The following SORCS1 variants were observed in gnomAD, a reference collection of about 807,000 sequenced individuals.
SORCS1 encodes the protein sortilin related VPS10 domain containing receptor 1.
SORCS1 carries 60 observed loss-of-function variants against 146.1 expected under a neutral mutation model. The ratio of observed to expected loss-of-function variants is 0.41; its 90% confidence interval spans 0.33 to 0.51. The LOEUF is 0.51. Among genes scored for constraint, SORCS1 ranks in the 20% least tolerant of loss-of-function variants. The probability of loss-of-function intolerance (pLI) is 0.21; values close to 1 mark genes in which losing one functional copy is unlikely to be tolerated. For missense variants in SORCS1, 1,352 were observed against 1,487.6 expected (o/e 0.91, Z 1.50); for synonymous variants, 637 against 584.0 (o/e 1.09, Z -1.31).
chr10:106,885,619 T>G (rs1271552167), intron 2 of SORCS1, among the ~76,000 whole-genome samples: 1 of 152,150 alleles, frequency 6.6e-6, no homozygotes, highest in East Asian at 1.9e-4. Context: ...GGATGCTCAA[T>G]GTATGATTTA....
At chr10:106,666,932 C>T (rs574487922) in intron 17 of SORCS1, among the ~76,000 whole-genome samples, 6 of 152,248 alleles carry the variant, frequency 3.9e-5, no homozygotes, top group African/African-American at 1.4e-4. Flanking sequence ...AAAGCCCTAA[C>T]TAATACATTA....
At chr10:106,690,925 T>C (rs1853248354) in intron 9 of SORCS1, among the ~76,000 whole-genome samples, 1 of 152,120 alleles carries the variant, frequency 6.6e-6, no homozygotes, top group Non-Finnish European at 1.5e-5. Context: ...CAGTACTCTA[T>C]TCTAAGGTCT....
chr10:106,784,820 G>A (rs1945982677), intron 3 of SORCS1, among the ~76,000 whole-genome samples: 1 of 152,180 alleles, frequency 6.6e-6, no homozygotes, highest in Non-Finnish European at 1.5e-5. Context: ...AGAGAGAGCA[G>A]GAAAGAGAAG....
At chr10:106,761,807 C>T (rs920875313) in intron 4 of SORCS1, 146 bp from the exon 5 acceptor site, 19 of 656,754 alleles carry the variant, frequency 2.9e-5, no homozygotes, top group African/African-American at 1.6e-4. Flanking sequence ...CCATGTGTAC[C>T]ATCTCTATTC....
intron 1 of SORCS1, among the ~76,000 whole-genome samples, chr10:107,080,459 A>C (rs757642148): frequency 6.6e-6 from 1 of 152,228 alleles, no homozygotes; most frequent in Non-Finnish European, 1.5e-5. Flanking sequence ...GGTTAAAAAA[A>C]TCTTGTACTT....
intron 18 of SORCS1, among the ~76,000 whole-genome samples, chr10:106,640,044 C>G (rs1209360335): frequency 1.3e-5 from 2 of 152,018 alleles, no homozygotes; most frequent in African/African-American, 2.4e-5. Flanking sequence ...GAAACTGATG[C>G]CTGCCTCAAC....
At chr10:106,848,665 A>T in intron 2 of SORCS1, among the ~76,000 whole-genome samples, 2 of 115,744 alleles carry the variant, frequency 1.7e-5, no homozygotes, top group Non-Finnish European at 3.6e-5. Context: ...TAGTTGATGC[A>T]GTTTCTTCCT....
intron 2 of SORCS1, among the ~76,000 whole-genome samples, chr10:106,925,194 T>C (rs2138476179): frequency 6.6e-6 from 1 of 152,174 alleles, no homozygotes; most frequent in Non-Finnish European, 1.5e-5. Context: ...CTCTATTGTT[T>C]GTTTTTTTTT....
At chr10:107,056,745 G>A (rs1960677206) in intron 1 of SORCS1, among the ~76,000 whole-genome samples, 2 of 152,192 alleles carry the variant, frequency 1.3e-5, no homozygotes, top group South Asian at 4.1e-4. Flanking sequence ...CGTGTTCTCT[G>A]CTCACCCAAA....
At chr10:106,991,331 G>A (rs1190411227) in intron 1 of SORCS1, among the ~76,000 whole-genome samples, 2 of 152,188 alleles carry the variant, frequency 1.3e-5, no homozygotes, top group Non-Finnish European at 2.9e-5. Flanking sequence ...TGACAAGCTG[G>A]ATAGGAAGAT....
At chr10:106,989,726 G>A (rs1269827949) in intron 1 of SORCS1, among the ~76,000 whole-genome samples, 8 of 127,712 alleles carry the variant, frequency 6.3e-5, no homozygotes, top group Admixed American at 2.6e-4. Flanking sequence ...TCACTCTGTC[G>A]CCCAGGCTGG....
At chr10:106,589,769 G>A (rs557969981) in intron 24 of SORCS1, among the ~76,000 whole-genome samples, 1 of 148,528 alleles carries the variant, frequency 6.7e-6, no homozygotes, top group South Asian at 2.1e-4. Flanking sequence ...ACCATATCTT[G>A]CCACTTGCCA....
intron 2 of SORCS1, among the ~76,000 whole-genome samples, chr10:106,929,140 C>T (rs1378550316): frequency 6.6e-6 from 1 of 152,052 alleles, no homozygotes; most frequent in Non-Finnish European, 1.5e-5. Context: ...TTAAGAACTG[C>T]TTCATGTTCA....
intron 1 of SORCS1, among the ~76,000 whole-genome samples, chr10:107,110,548 C>G (rs903353666): frequency 6.6e-6 from 1 of 151,984 alleles, no homozygotes; most frequent in African/African-American, 2.4e-5. Flanking sequence ...CTCATGAGAA[C>G]TCACTCATTA....
At chr10:106,608,325 G>A (rs1367659549) in intron 22 of SORCS1, among the ~76,000 whole-genome samples, 1 of 152,174 alleles carries the variant, frequency 6.6e-6, no homozygotes, top group East Asian at 1.9e-4. Flanking sequence ...TCCTGTGCAT[G>A]TTATCTCCAC....
At chr10:106,803,754 A>G (rs1947029238) in intron 3 of SORCS1, among the ~76,000 whole-genome samples, 1 of 152,220 alleles carries the variant, frequency 6.6e-6, no homozygotes. Context: ...AGTGTCTGTC[A>G]GAATTGTTAC....
At chr10:107,113,534 A>G (rs180802847) in intron 1 of SORCS1, among the ~76,000 whole-genome samples, 23 of 152,098 alleles carry the variant, frequency 1.5e-4, no homozygotes, top group Middle Eastern at 3.4e-3. Context: ...TACTAAAAAT[A>G]CAAAAATTAG....
chr10:107,129,034 C>T (rs1966843854), intron 1 of SORCS1, among the ~76,000 whole-genome samples: 1 of 152,210 alleles, frequency 6.6e-6, no homozygotes, highest in South Asian at 2.1e-4. Flanking sequence ...AGTCCCTGAG[C>T]ACAAACTCGT....
chr10:107,011,907 A>ATCACAATT (rs1957711044), intron 1 of SORCS1, among the ~76,000 whole-genome samples: 1 of 152,242 alleles, frequency 6.6e-6, no homozygotes, highest in African/African-American at 2.4e-5. Flanking sequence ...ATATTGATAT[A>ATCACAATT]TCACAATTTT....
Sources: allele counts gnomAD v4.1 joint callset (sites outside exome capture counted in the v4.1 genomes callset), GRCh38; gene constraint gnomAD v4.1.1; transcripts MANE v1.5; gene names NCBI Gene and HGNC (gene_info 2026-07-23, HGNC 2026-07-21).